The following DCLK2 variants were observed in gnomAD, a reference collection of about 807,000 sequenced individuals.
DCLK2 encodes the protein doublecortin like kinase 2.
In DCLK2, 31 loss-of-function variants were observed where a neutral mutation model predicts 78.4. The observed-to-expected ratio is 0.40, with a 90% CI of 0.30 to 0.53. The LOEUF (loss-of-function observed/expected upper bound fraction) is 0.53, where lower values mean the gene tolerates loss of function less well. Ranked by LOEUF, DCLK2 falls within the 20% of genes least tolerant of loss-of-function variation. The pLI, the probability that DCLK2 is intolerant of heterozygous loss-of-function variation, is 0.61. For synonymous variants in DCLK2, 407 were observed against 374.9 expected, an observed-to-expected ratio of 1.09 and a Z score of -0.99; for missense variants, 872 against 973.7, an observed-to-expected ratio of 0.90 and a Z score of 1.39.
chr4:150,138,256 C>G (rs1408919313), intron 2 of DCLK2, among the ~76,000 whole-genome samples: 1 of 152,204 alleles, frequency 6.6e-6, no homozygotes, highest in Non-Finnish European at 1.5e-5. Context: ...TTGTCACACT[C>G]TAGCTGTGGG....
At chr4:150,094,387 A>G (rs1305717771) in intron 1 of DCLK2, among the ~76,000 whole-genome samples, 1 of 152,228 alleles carries the variant, frequency 6.6e-6, no homozygotes, top group Non-Finnish European at 1.5e-5. Context: ...AAGAGTATGT[A>G]AATACATATT....
At chr4:150,234,891 G>A (rs1742365875) in intron 10 of DCLK2, among the ~76,000 whole-genome samples, 1 of 152,178 alleles carries the variant, frequency 6.6e-6, no homozygotes, top group Non-Finnish European at 1.5e-5. Context: ...CGCCCATTGG[G>A]ACCTTGCAGC....
At chr4:150,247,821 CTTCTT>C (rs1743449264) in intron 13 of DCLK2, 122 bp downstream of exon 13, 2 of 736,402 alleles carry the variant, frequency 2.7e-6, no homozygotes, top group African/African-American at 3.5e-5. Context: ...ATGTGTGGTT[CTTCTT>C]TTAAGTTTAT....
At position 150,078,496 on chromosome 4, in the gene DCLK2, C is replaced by G. The variant is rs1728978729; in HGVS notation, c.-532C>G. The G allele has an allele frequency of 6.6e-6, 1 of 151,042 alleles. No homozygotes were observed. Among genetic ancestry groups the G allele is most frequent in the Non-Finnish European group, 1.5e-5 (1 of 67,884 alleles). 9.4% of individuals were successfully genotyped at this position (151,042 alleles called of 1,614,324 possible). A position where few individuals can be genotyped will look rare whatever the true frequency, so the allele number is the denominator to read the frequency against. ...GCGCGCGCTGCCCGGCGGGCGGGAT[C>G]CGGGCGCGGCCGAGGCGGCGGCGCT... is the stretch of plus-strand genomic sequence containing the variant. On this transcript the variant is annotated 5_prime_UTR_variant, in exon 1 of 16. The change creates a new upstream start codon in the 5' untranslated region. Transcript: ENST00000296550.
chr4:150,155,123 T>C (rs1342488817), intron 2 of DCLK2, among the ~76,000 whole-genome samples: 1 of 152,168 alleles, frequency 6.6e-6, no homozygotes, highest in East Asian at 1.9e-4. Flanking sequence ...TCCCAGCTAC[T>C]CAGGAGGCTG....
intron 5 of DCLK2, among the ~76,000 whole-genome samples, chr4:150,210,950 A>G (rs1323026484): frequency 4.8e-5 from 7 of 146,502 alleles, no homozygotes; most frequent in Admixed American, 4.1e-4. Context: ...CTCTGTCTCA[A>G]AAAAAAAAAA....
chr4:150,114,650 A>G (rs983090861), intron 2 of DCLK2, among the ~76,000 whole-genome samples: 3 of 152,196 alleles, frequency 2.0e-5, no homozygotes, highest in African/African-American at 7.2e-5. Context: ...CGTTTATGAC[A>G]GTTTTGCTGG....
At chr4:150,134,645 G>A (rs1183191146) in intron 2 of DCLK2, among the ~76,000 whole-genome samples, 3 of 152,108 alleles carry the variant, frequency 2.0e-5, no homozygotes, top group African/African-American at 7.2e-5. Context: ...TGCAGTGTTG[G>A]AAGTGCCTAG....
chr4:150,244,781 A>C (rs1322919733), intron 12 of DCLK2, among the ~76,000 whole-genome samples: 1 of 152,216 alleles, frequency 6.6e-6, no homozygotes, highest in Non-Finnish European at 1.5e-5. Context: ...TGCAACTTAC[A>C]GTGGATACTT....
At chr4:150,079,676 C>T (rs1729101421) in intron 1 of DCLK2, among the ~76,000 whole-genome samples, 1 of 152,198 alleles carries the variant, frequency 6.6e-6, no homozygotes, top group South Asian at 2.1e-4. Context: ...AAAAAATTTC[C>T]TGATGGTCAG....
Position 150,079,106 on chromosome 4 carries a change from G to GC in DCLK2, c.84dup (p.Ser29GlnfsTer114). 3 of 1,569,658 alleles carry GC rather than the reference G, an allele frequency of 1.9e-6. No individual in the cohort carries two copies. Among genetic ancestry groups the GC allele is most frequent in the Non-Finnish European group, 2.6e-6 (3 of 1,160,856 alleles). On this transcript the variant is annotated frameshift_variant, in exon 1 of 16. Transcript: ENST00000296550. LOFTEE classifies it high-confidence loss of function. ...GCCGCGGCCGGGGTCGCGGAGAGGG[G>GC]CCCCCAGCTCCTCCGGGGGCAGCAG...
intron 1 of DCLK2, among the ~76,000 whole-genome samples, chr4:150,086,731 C>A (rs1488081566): frequency 6.6e-6 from 1 of 152,132 alleles, no homozygotes; most frequent in Non-Finnish European, 1.5e-5. Context: ...TGGTCTCGAT[C>A]TCCTGACCTC....
At chr4:150,221,263 A>G (rs554434910) in intron 6 of DCLK2, among the ~76,000 whole-genome samples, 1 of 151,522 alleles carries the variant, frequency 6.6e-6, no homozygotes, top group South Asian at 2.1e-4. Context: ...TTGAAGAGAA[A>G]TCTTGGACAT....
intron 2 of DCLK2, among the ~76,000 whole-genome samples, chr4:150,159,488 G>A (rs1214389419): frequency 6.6e-6 from 1 of 152,204 alleles, no homozygotes; most frequent in African/African-American, 2.4e-5. Context: ...TCCTAGGCAT[G>A]GGCCAATTAA....
intron 2 of DCLK2, among the ~76,000 whole-genome samples, chr4:150,175,011 A>AAAAAAAAAAAAATATATATAT (rs1454035697): frequency 1.0e-4 from 1 of 9,974 alleles, no homozygotes; most frequent in Non-Finnish European, 2.4e-4. Context: ...AAAAAAAAAA[A>AAAAAAAAAAAAATATATATAT]ATATATATAT....
intron 10 of DCLK2, among the ~76,000 whole-genome samples, chr4:150,233,335 T>C (rs1018545801): frequency 6.6e-6 from 1 of 152,084 alleles, no homozygotes; most frequent in South Asian, 2.1e-4. Context: ...TCCCCCAACA[T>C]TGGGAATTAC....
chr4:150,149,595 T>G (rs1016827175), intron 2 of DCLK2, among the ~76,000 whole-genome samples: 5 of 152,138 alleles, frequency 3.3e-5, no homozygotes, highest in African/African-American at 9.7e-5. Flanking sequence ...GGTATTTTGG[T>G]TTTTGGTTTG....
At chr4:150,132,188 A>G (rs1733360904) in intron 2 of DCLK2, among the ~76,000 whole-genome samples, 1 of 152,164 alleles carries the variant, frequency 6.6e-6, no homozygotes, top group Non-Finnish European at 1.5e-5. Context: ...CCTGCCAACC[A>G]TCTAGTGTTA....
At chr4:150,233,574 A>C (rs1260302092) in intron 10 of DCLK2, among the ~76,000 whole-genome samples, 4 of 152,296 alleles carry the variant, frequency 2.6e-5, no homozygotes, top group Admixed American at 2.6e-4. Flanking sequence ...TAATTTTGGA[A>C]ATAGTCTAGT....
Sources: gnomAD v4.1 joint callset for allele counts (sites outside exome capture counted in the v4.1 genomes callset) on GRCh38, gnomAD v4.1.1 for gene constraint, MANE v1.5 for transcripts, NCBI Gene and HGNC (gene_info 2026-07-23, HGNC 2026-07-21) for gene names.